Variants in STK11 observed in about 807,000 individuals in gnomAD.
STK11 encodes the protein serine/threonine-protein kinase STK11.
Under a neutral mutation model 47.3 loss-of-function variants are expected in STK11, and 8 were observed. That is an observed-to-expected ratio of 0.17 (90% CI 0.10 to 0.31). The LOEUF (loss-of-function observed/expected upper bound fraction) is 0.31. Among genes scored for constraint, STK11 ranks in the 10% least tolerant of loss-of-function variants. The pLI, the probability that STK11 is intolerant of heterozygous loss-of-function variation, is 1.00. For missense variants in STK11, 475 were observed against 605.0 expected, an observed-to-expected ratio of 0.79 and a Z score of 2.25; for synonymous variants, 330 against 255.8, an observed-to-expected ratio of 1.29 and a Z score of -2.77.
At chr19:1,220,047 C>G (rs979067201) in intron 3 of STK11, 2 of 314,676 alleles carry the variant, frequency 6.4e-6, no homozygotes, top group Non-Finnish European at 1.2e-5. Context: ...GTCAGGGCCC[C>G]TTGCTGCTGC....
Position 1,228,331 on chromosome 19 carries a change from A to C in STK11, c.*755A>C. ...TCATCCAGAAAAGAAAAACACGAGA[A>C]ACGCCATCGCGGGATGGTGCAGACG... On this transcript the variant is annotated 3_prime_UTR_variant, in exon 10 of 10. Coordinates refer to ENST00000326873, the MANE Select transcript of STK11 (RefSeq NM_000455.5). The C allele has an allele frequency of 7.9e-6, 2 of 253,448 alleles. No individual in the cohort carries two copies. The highest frequency in any genetic ancestry group is 1.5e-5 in the Non-Finnish European group (2 of 137,106). 15.7% of individuals were successfully genotyped at this position (253,448 alleles called of 1,614,324 possible).
At chr19:1,226,723 G>C (rs1486124560) in intron 9 of STK11, 60 bp downstream of exon 9, 3 of 1,437,452 alleles carry the variant, frequency 2.1e-6, no homozygotes, top group Admixed American at 2.7e-5. Flanking sequence ...GCCACAGCCA[G>C]CCGTGAGCAT....
At chr19:1,211,533 G>A (rs2080710605) in intron 1 of STK11, among the ~76,000 whole-genome samples, 1 of 152,142 alleles carries the variant, frequency 6.6e-6, no homozygotes, top group African/African-American at 2.4e-5. Context: ...TGGGCTCGAA[G>A]GCAGGGAGTC....
intron 5 of STK11, among the ~76,000 whole-genome samples, chr19:1,220,937 G>C (rs764546844): frequency 5.3e-5 from 8 of 152,240 alleles, no homozygotes; most frequent in Non-Finnish European, 1.0e-4. Context: ...GATCTTCACA[G>C]AGTGGCACGG....
At chr19:1,209,025 G>A (rs895089987) in intron 1 of STK11, among the ~76,000 whole-genome samples, 1 of 152,134 alleles carries the variant, frequency 6.6e-6, no homozygotes, top group African/African-American at 2.4e-5. Context: ...AAATGGGAGC[G>A]GCTGGGAAGG....
At chr19:1,225,202 C>T in intron 8 of STK11, 1 of 985,384 alleles carries the variant, frequency 1.0e-6, no homozygotes, top group Non-Finnish European at 1.2e-6. Flanking sequence ...AGGGTCTGCC[C>T]CACCAGAGAC....
intron 1 of STK11, among the ~76,000 whole-genome samples, chr19:1,215,334 C>T (rs959824677): frequency 3.7e-4 from 57 of 152,216 alleles, no homozygotes; most frequent in African/African-American, 9.2e-4. Context: ...GGCTTCTCAG[C>T]GAGCAGACCA....
intron 8 of STK11, chr19:1,223,986 C>G: frequency 5.0e-6 from 5 of 1,009,002 alleles, no homozygotes; most frequent in Non-Finnish European, 5.9e-6. Context: ...GGGGGTACGC[C>G]AGGCAGGTTG....
At chr19:1,226,743 T>C in intron 9 of STK11, 80 bp downstream of exon 9, 3 of 1,402,876 alleles carry the variant, frequency 2.1e-6, no homozygotes, top group Non-Finnish European at 2.8e-6. Context: ...TAGCCCGCGC[T>C]AGTCAGTCAT....
chr19:1,224,909 G>A, intron 8 of STK11: 5 of 985,754 alleles, frequency 5.1e-6, no homozygotes, highest in Non-Finnish European at 6.0e-6. Context: ...CGTGAGCCCC[G>A]TCCCTGACCT....
At chr19:1,212,990 CTTTTTTT>C (rs35169539) in intron 1 of STK11, among the ~76,000 whole-genome samples, 24 of 94,796 alleles carry the variant, frequency 2.5e-4, no homozygotes, top group African/African-American at 8.0e-4. Flanking sequence ...TAAAGTTCAC[CTTTTTTT>C]TTTTTTTTTT....
chr19:1,224,405 C>T, intron 8 of STK11: 1 of 985,484 alleles, frequency 1.0e-6, no homozygotes, highest in Non-Finnish European at 1.2e-6. Flanking sequence ...GGGGGCCCCT[C>T]ATGGTGCCCA....
rs150795261 is a variant in STK11, at chr19:1,222,810, C to T, written c.921-175C>T. ...TCTGTCAGGCTTGGAGTCAGGTCAGCCTGCCTGCTCCTAGAGGACATGGCT... is the reference window on the plus strand; with the variant it reads ...TCTGTCAGGCTTGGAGTCAGGTCAGTCTGCCTGCTCCTAGAGGACATGGCT... On this transcript the variant is annotated intron_variant, in intron 7 of 9. Coordinates refer to ENST00000326873, the MANE Select transcript of STK11 (RefSeq NM_000455.5). Among the ~76,000 whole-genome samples, 323 of 152,288 alleles carry T rather than the reference C, an allele frequency of 2.1e-3. 1 individual carries two copies. The highest frequency in any genetic ancestry group is 6.8e-3 in the Middle Eastern group (2 of 294).
At chr19:1,214,947 G>A (rs1284991088) in intron 1 of STK11, among the ~76,000 whole-genome samples, 1 of 152,214 alleles carries the variant, frequency 6.6e-6, no homozygotes, top group Non-Finnish European at 1.5e-5. Flanking sequence ...TCTGCTGTCT[G>A]AAAACAGCAC....
At chr19:1,227,373 C>T (rs1459521865) in intron 9 of STK11, 7 of 284,174 alleles carry the variant, frequency 2.5e-5, no homozygotes, top group East Asian at 1.5e-4. Flanking sequence ...TGCCCACAGC[C>T]CATCCACCAG....
chr19:1,215,822 C>T (rs896054580), intron 1 of STK11, among the ~76,000 whole-genome samples: 3 of 152,008 alleles, frequency 2.0e-5, no homozygotes, highest in Non-Finnish European at 4.4e-5. Flanking sequence ...CTGCAACCTC[C>T]GCCTCCCAGG....
Position 1,206,631 on chromosome 19 carries a change from G to GC in STK11, c.-280dup. ...GACCGGGCCGTCTCCCAGTTCTGAG[G>GC]CCCGGGTCCCACTGGAACTCGCGTC... is the stretch of plus-strand genomic sequence containing the variant. On this transcript the variant is annotated 5_prime_UTR_variant, in exon 1 of 10. Coordinates refer to ENST00000326873, the MANE Select transcript of STK11 (RefSeq NM_000455.5). 2.0e-6 allele frequency: 1 copy of GC among 509,890 alleles called. No individual in the cohort carries two copies. The highest frequency in any genetic ancestry group is 2.6e-5 in the South Asian group (1 of 38,890). 31.6% of individuals were successfully genotyped at this position (509,890 alleles called of 1,614,324 possible). A position where few individuals can be genotyped will look rare whatever the true frequency, so the allele number is the denominator to read the frequency against.
chr19:1,213,483 T>G (rs1678405692), intron 1 of STK11, among the ~76,000 whole-genome samples: 1 of 152,238 alleles, frequency 6.6e-6, no homozygotes, highest in South Asian at 2.1e-4. Context: ...GCCTCTGGAT[T>G]GGCCTGTCCT....
intron 1 of STK11, 80 bp downstream of exon 1, chr19:1,207,283 C>T (rs1198265235): frequency 8.1e-6 from 12 of 1,479,434 alleles, no homozygotes; most frequent in East Asian, 2.5e-5. Flanking sequence ...CTTCTCTCCT[C>T]CCTCCCTCCC....
Sources: allele counts gnomAD v4.1 joint callset (sites outside exome capture counted in the v4.1 genomes callset), GRCh38; gene constraint gnomAD v4.1.1; transcripts MANE v1.5; gene names NCBI Gene and HGNC (gene_info 2026-07-23, HGNC 2026-07-21).